Variants in HPS1 observed in about 807,000 individuals in gnomAD.
The protein encoded by HPS1 is HPS1 biogenesis of lysosomal organelles complex 3 subunit 1.
In HPS1, 59 loss-of-function variants were observed where a neutral mutation model predicts 90.6. The observed-to-expected ratio is 0.65, with a 90% CI of 0.53 to 0.81. The LOEUF (loss-of-function observed/expected upper bound fraction) is 0.81. Among genes scored for constraint, HPS1 ranks in the 30% least tolerant of loss-of-function variants. The pLI, the probability that HPS1 is intolerant of heterozygous loss-of-function variation, is 0.00. For synonymous variants in HPS1, 388 were observed against 384.4 expected (o/e 1.01, Z -0.11); for missense variants, 849 against 896.7 (o/e 0.95, Z 0.68).
At position 98,429,610 on chromosome 10, in the gene HPS1, G is replaced by A; in HGVS notation, c.900C>T (p.Tyr300=). The A allele has an allele frequency of 1.9e-6, 3 of 1,614,236 alleles. No homozygotes were observed. The highest frequency in any genetic ancestry group is 2.5e-6 in the Non-Finnish European group (3 of 1,180,044). The change falls in exon 10 of 20, where the codon TAC becomes TAT. Residue 300 remains tyrosine, a synonymous_variant. Transcript: ENST00000361490. ...CGCCAGGGGAAGGAGCTGGTGTGAA[G>A]TACTCCTCAGGGAGGGAGAAGCTGT... The part of the protein sequence containing the change: ...ETDSFSLPEE[Y]FTPAPSPGDQ...
At chr10:98,431,886 T>C (rs1433532454) in intron 6 of HPS1, among the ~76,000 whole-genome samples, 2 of 152,262 alleles carry the variant, frequency 1.3e-5, no homozygotes, top group African/African-American at 4.8e-5. Flanking sequence ...ATATCCAAAA[T>C]ATTATCACCA....
rs1180504736 is a variant in HPS1 at position 98,420,046 on chromosome 10, A to T, written c.1856T>A (p.Met619Lys). 1.2e-6 allele frequency: 2 copies of T among 1,603,986 alleles called. No individual in the cohort carries two copies. Among genetic ancestry groups the T allele is most frequent in the Non-Finnish European group, 1.7e-6 (2 of 1,170,848 alleles). Residue 619 changes from methionine (M) to lysine (K), a missense_variant and splice_region_variant, in exon 18 of 20, where the codon ATG becomes AAG. Transcript: ENST00000361490. Reference protein sequence around the residue: ...CSYFLWFENDMGYKLQMIEVP... With the variant: ...CSYFLWFENDKGYKLQMIEVP... Reference sequence around the variant, plus strand: ...GCCCAGGGACTCAGCCTCACCTACCATGTCATTCTCGAACCACAGGAAGTA... The same window carrying T: ...GCCCAGGGACTCAGCCTCACCTACCTTGTCATTCTCGAACCACAGGAAGTA...
Position 98,433,730 on chromosome 10 carries a change from C to T in HPS1, c.507+253G>A, listed in dbSNP as rs10786421. 0.31 allele frequency among the ~76,000 whole-genome samples: 46,419 copies of T among 152,060 alleles called. 7,452 individuals carry two copies. Among genetic ancestry groups the T allele is most frequent in the African/African-American group, 0.39 (15,984 of 41,446 alleles). ...GTTGAAGGAACTGTCTTCAAAGATT[C>T]CTGTAATTTACAGTGAACCCAAAAA... On this transcript the variant is annotated intron_variant, in intron 6 of 19. Transcript: ENST00000361490.
chr10:98,423,281 C>T (rs1845136388), intron 16 of HPS1, among the ~76,000 whole-genome samples: 1 of 142,138 alleles, frequency 7.0e-6, no homozygotes, highest in African/African-American at 2.6e-5. Context: ...CCACAGGAAC[C>T]CCCCCCCCGG....
intron 1 of HPS1, among the ~76,000 whole-genome samples, chr10:98,446,234 C>T (rs1056931605): frequency 2.0e-5 from 3 of 152,220 alleles, no homozygotes; most frequent in African/African-American, 4.8e-5. Flanking sequence ...CCATCACCCA[C>T]ATGATTGGCC....
At chr10:98,434,117 G>A (rs1429267726) in intron 5 of HPS1, 26 bp from the exon 6 acceptor site, 1 of 1,543,634 alleles carries the variant, frequency 6.5e-7, no homozygotes, top group Non-Finnish European at 8.7e-7. Context: ...GAGAGGGCGG[G>A]AGAGATCACA....
chr10:98,420,889 C>T (rs961072105), intron 17 of HPS1, among the ~76,000 whole-genome samples: 1 of 152,142 alleles, frequency 6.6e-6, no homozygotes, highest in Non-Finnish European at 1.5e-5. Flanking sequence ...ACTGATGGCA[C>T]AGGTGAGTGA....
intron 6 of HPS1, 175 bp from the exon 7 acceptor site, chr10:98,431,466 C>A: frequency 1.5e-6 from 1 of 649,210 alleles, no homozygotes; most frequent in Non-Finnish European, 2.7e-6. Context: ...GGCTTACTGT[C>A]TGGTCACTAG....
chr10:98,439,423 G>C (rs893978848), intron 3 of HPS1, among the ~76,000 whole-genome samples: 1 of 152,306 alleles, frequency 6.6e-6, no homozygotes, highest in Admixed American at 6.5e-5. Context: ...CCCACCTCTT[G>C]TATCAGTGTG....
At position 98,433,974 on chromosome 10, in the gene HPS1, A is replaced by G. The variant is rs1591109842; in HGVS notation, c.507+9T>C. 2 of 1,554,854 alleles carry G rather than the reference A, an allele frequency of 1.3e-6. No individual in the cohort carries two copies. Among genetic ancestry groups the G allele is most frequent in the Non-Finnish European group, 1.7e-6 (2 of 1,148,906 alleles). On this transcript the variant is annotated intron_variant, in intron 6 of 19. Coordinates refer to ENST00000361490, the MANE Select transcript of HPS1 (RefSeq NM_000195.5). ...TCAAGTCCTGAGGACTCCCGCGCCC[A>G]GTAGTCACCTCCACGGCGAAGCACT...
At position 98,443,124 on chromosome 10, in the gene HPS1, CTCT is replaced by C. The variant is rs1490720309; in HGVS notation, c.114_116del (p.Glu39del). ...CTGGGACTGCCTACCCTGCACTCACCTCTTCTTCCTCATTCTCTGACTGCCCGA... is the reference window on the plus strand; with the variant it reads ...CTGGGACTGCCTACCCTGCACTCACCTCTTCCTCATTCTCTGACTGCCCGA... On this transcript the variant is annotated inframe_deletion and splice_region_variant, in exon 3 of 20. Coordinates refer to ENST00000361490, the MANE Select transcript of HPS1 (RefSeq NM_000195.5). The C allele has an allele frequency of 6.2e-6, 10 of 1,605,062 alleles. No homozygotes were observed. The highest frequency in any genetic ancestry group is 1.3e-5 in the African/African-American group (1 of 74,680).
rs1032502213 is a variant in HPS1 at position 98,416,525 on chromosome 10, C to G, written c.*1039G>C. 1.3e-5 allele frequency: 2 copies of G among 152,450 alleles called. No homozygotes were observed. Among genetic ancestry groups the G allele is most frequent in the African/African-American group, 4.8e-5 (2 of 41,460 alleles). The allele number at this position is 152,450 out of a possible 1,614,324, so 9.4% of individuals were successfully genotyped here. A position where few individuals can be genotyped will look rare whatever the true frequency, so the allele number is the denominator to read the frequency against. On this transcript the variant is annotated 3_prime_UTR_variant, in exon 20 of 20. Transcript: ENST00000361490. ...ATGTGGGTTCTAGTTCCCCCAGCCC[C>G]AAAGCTGTTCCCTGCAAGGAAGAGA... is the stretch of plus-strand genomic sequence containing the variant.
rs773135623 is a variant in HPS1, at chr10:98,423,816, G to A, written c.1469C>T (p.Ala490Val). 7 of 1,614,008 alleles carry A rather than the reference G, an allele frequency of 4.3e-6. No homozygotes were observed. In the East Asian group the frequency reaches 1.3e-4, roughly 31 times the overall value. ...AIYRLNFLTT[A>V]PSRGGPHLPQ... Reference sequence around the variant, plus strand: ...CAGGTGTGGGCCTCCCCTGCTGGGGGCTGTGGTCAGAAAGTTCAGCCGGTA... The same window carrying A: ...CAGGTGTGGGCCTCCCCTGCTGGGGACTGTGGTCAGAAAGTTCAGCCGGTA... The change falls in exon 15 of 20, where the codon GCC becomes GTC. Residue 490 changes from alanine to valine, a missense_variant. By Grantham distance (64) the Ala-to-Val change is moderately conservative. Transcript: ENST00000361490.
intron 18 of HPS1, among the ~76,000 whole-genome samples, chr10:98,419,284 ACACTCCTGAGAGCTGGAACAAC>A (rs548882604): frequency 3.3e-5 from 5 of 152,272 alleles, no homozygotes; most frequent in Admixed American, 6.5e-5. Context: ...GGGAGGAGGA[ACACTCCTGAGAGCTGGAACAAC>A]CACTCCTGAG....
chr10:98,420,907 G>A (rs894453444), intron 17 of HPS1, among the ~76,000 whole-genome samples: 1 of 152,156 alleles, frequency 6.6e-6, no homozygotes, highest in Non-Finnish European at 1.5e-5. Context: ...TGACCCTGTA[G>A]GATGTGCTGA....
intron 13 of HPS1, 73 bp downstream of exon 13, chr10:98,425,468 C>T: frequency 6.8e-7 from 1 of 1,480,220 alleles, no homozygotes; most frequent in Non-Finnish European, 9.3e-7. Flanking sequence ...CCCTCAGCTG[C>T]TGTGGACCGG....
At chr10:98,433,065 C>T (rs1846725233) in intron 6 of HPS1, among the ~76,000 whole-genome samples, 1 of 151,980 alleles carries the variant, frequency 6.6e-6, no homozygotes, top group Non-Finnish European at 1.5e-5. Context: ...AACCCCGTCT[C>T]TACTAAAAAT....
At chr10:98,419,905 G>T in intron 18 of HPS1, 140 bp downstream of exon 18, 1 of 744,834 alleles carries the variant, frequency 1.3e-6, no homozygotes, top group South Asian at 1.4e-5. Context: ...CTGAACTCTG[G>T]CTCCCAACCT....
intron 13 of HPS1, 124 bp from the exon 14 acceptor site, chr10:98,424,498 C>T: frequency 1.2e-6 from 1 of 804,686 alleles, no homozygotes; most frequent in Non-Finnish European, 2.1e-6. Flanking sequence ...GCCCTTCTGG[C>T]CAATGCAGGC....
Sources: gnomAD v4.1 joint callset for allele counts (sites outside exome capture counted in the v4.1 genomes callset) on GRCh38, gnomAD v4.1.1 for gene constraint, MANE v1.5 for transcripts, NCBI Gene and HGNC (gene_info 2026-07-23, HGNC 2026-07-21) for gene names.